SH3RF3: variants seen among roughly 807,000 people sequenced by gnomAD.
SH3RF3 encodes the protein E3 ubiquitin-protein ligase SH3RF3.
A neutral mutation model predicts 66.3 loss-of-function variants in SH3RF3; 29 were observed. The ratio of observed to expected loss-of-function variants is 0.44; its 90% confidence interval spans 0.33 to 0.60. SH3RF3 has a LOEUF of 0.60. Ranked by LOEUF, SH3RF3 falls within the 20% of genes least tolerant of loss-of-function variation. SH3RF3 has a pLI of 0.04. For synonymous variants in SH3RF3, 583 were observed against 532.0 expected (o/e 1.10, Z -1.32); for missense variants, 1,194 against 1,190.9 (o/e 1.00, Z -0.04).
chr2:109,153,375 TG>T (rs1182333808), intron 1 of SH3RF3, among the ~76,000 whole-genome samples: 1 of 152,204 alleles, frequency 6.6e-6, no homozygotes, highest in African/African-American at 2.4e-5. Context: ...TTTGTATTTT[TG>T]CTGAGGTTTG....
chr2:109,230,090 C>G (rs1679468922), intron 1 of SH3RF3, among the ~76,000 whole-genome samples: 1 of 151,958 alleles, frequency 6.6e-6, no homozygotes, highest in Non-Finnish European at 1.5e-5. Flanking sequence ...TCCCAAAGTG[C>G]TGGGATTACA....
chr2:109,419,081 C>T (rs1033663061), intron 4 of SH3RF3, among the ~76,000 whole-genome samples: 6 of 152,196 alleles, frequency 3.9e-5, no homozygotes, highest in Admixed American at 1.3e-4. Flanking sequence ...GTCCTCTTGG[C>T]CTGCTGCTCT....
At chr2:109,265,413 T>C (rs1449210072) in intron 1 of SH3RF3, among the ~76,000 whole-genome samples, 1 of 152,236 alleles carries the variant, frequency 6.6e-6, no homozygotes, top group Non-Finnish European at 1.5e-5. Context: ...AAGGAAACAC[T>C]GTAATTCTAG....
intron 1 of SH3RF3, among the ~76,000 whole-genome samples, chr2:109,212,371 G>C (rs1040596012): frequency 8.5e-5 from 13 of 152,180 alleles, no homozygotes; most frequent in African/African-American, 3.1e-4. Flanking sequence ...TGCTTTGGCT[G>C]GTTATACGTG....
chr2:109,395,031 C>G (rs1306645879), intron 3 of SH3RF3, among the ~76,000 whole-genome samples: 1 of 152,246 alleles, frequency 6.6e-6, no homozygotes, highest in East Asian at 1.9e-4. Context: ...GTGCCAAATT[C>G]AGGCCCAGCT....
chr2:109,172,004 A>G (rs922610358), intron 1 of SH3RF3, among the ~76,000 whole-genome samples: 5 of 152,202 alleles, frequency 3.3e-5, no homozygotes, highest in South Asian at 2.1e-4. Context: ...CCGTTTCCCA[A>G]TAAAAGGCAG....
At chr2:109,145,330 A>G (rs1275764351) in intron 1 of SH3RF3, among the ~76,000 whole-genome samples, 2 of 152,268 alleles carry the variant, frequency 1.3e-5, no homozygotes, top group African/African-American at 4.8e-5. Context: ...TCCGGACTTC[A>G]TGCCAGGTTT....
At chr2:109,199,065 A>G (rs1269880900) in intron 1 of SH3RF3, among the ~76,000 whole-genome samples, 5 of 152,094 alleles carry the variant, frequency 3.3e-5, no homozygotes, top group African/African-American at 1.2e-4. Flanking sequence ...CCACTTAAAA[A>G]ATGGTCTTGG....
At chr2:109,474,991 T>C (rs1678645636) in intron 8 of SH3RF3, among the ~76,000 whole-genome samples, 1 of 152,188 alleles carries the variant, frequency 6.6e-6, no homozygotes, top group Non-Finnish European at 1.5e-5. Context: ...GTTTGTTTGT[T>C]TTTTTGAGAC....
intron 3 of SH3RF3, among the ~76,000 whole-genome samples, chr2:109,381,428 C>T (rs771913751): frequency 5.3e-5 from 8 of 152,288 alleles, no homozygotes; most frequent in Middle Eastern, 6.8e-3. Context: ...GGTCTCAGCA[C>T]GCACACCCAC....
At chr2:109,345,820 CT>C (rs1682680161) in intron 1 of SH3RF3, among the ~76,000 whole-genome samples, 1 of 152,170 alleles carries the variant, frequency 6.6e-6, no homozygotes, top group Admixed American at 6.5e-5. Flanking sequence ...GCTGATGGCT[CT>C]GGGCCAGGTC....
At chr2:109,437,210 G>A in intron 7 of SH3RF3, 64 bp downstream of exon 7, 2 of 1,530,886 alleles carry the variant, frequency 1.3e-6, no homozygotes, top group South Asian at 2.5e-5. Flanking sequence ...ACATGCTTGT[G>A]AGACACATCT....
intron 3 of SH3RF3, among the ~76,000 whole-genome samples, chr2:109,371,887 G>A (rs1487146908): frequency 6.6e-6 from 1 of 152,204 alleles, no homozygotes; most frequent in African/African-American, 2.4e-5. Flanking sequence ...GTTTTGAGTG[G>A]CTGGTCCCAG....
At chr2:109,296,919 G>C (rs926755087) in intron 1 of SH3RF3, among the ~76,000 whole-genome samples, 3 of 152,114 alleles carry the variant, frequency 2.0e-5, no homozygotes, top group African/African-American at 7.2e-5. Flanking sequence ...GTGTGGATTG[G>C]GCTGCAGTGT....
intron 8 of SH3RF3, among the ~76,000 whole-genome samples, chr2:109,490,158 C>T (rs940111116): frequency 2.6e-5 from 4 of 152,234 alleles, no homozygotes; most frequent in Non-Finnish European, 4.4e-5. Flanking sequence ...CATCTTACAA[C>T]TGAGATGCCA....
intron 1 of SH3RF3, among the ~76,000 whole-genome samples, chr2:109,225,946 A>G (rs1679366041): frequency 6.6e-6 from 1 of 152,214 alleles, no homozygotes; most frequent in South Asian, 2.1e-4. Context: ...TTGCTTTCAA[A>G]GAGTCCCTAT....
At chr2:109,280,331 C>T (rs1373841084) in intron 1 of SH3RF3, among the ~76,000 whole-genome samples, 1 of 152,184 alleles carries the variant, frequency 6.6e-6, no homozygotes, top group Admixed American at 6.5e-5. Flanking sequence ...AGAGAGGGGG[C>T]CCCACAGCCA....
At chr2:109,203,991 A>G (rs1678748063) in intron 1 of SH3RF3, among the ~76,000 whole-genome samples, 1 of 152,196 alleles carries the variant, frequency 6.6e-6, no homozygotes, top group Non-Finnish European at 1.5e-5. Flanking sequence ...TGTGGGCTTG[A>G]AGGGGCTCTG....
chr2:109,132,952 TG>T (rs1182749725), intron 1 of SH3RF3, among the ~76,000 whole-genome samples: 1 of 152,266 alleles, frequency 6.6e-6, no homozygotes, highest in African/African-American at 2.4e-5. Flanking sequence ...ATTCCAATTT[TG>T]TTTTGAAAAT....
Sources: gnomAD v4.1 joint callset for allele counts (sites outside exome capture counted in the v4.1 genomes callset) on GRCh38, gnomAD v4.1.1 for gene constraint, MANE v1.5 for transcripts, NCBI Gene and HGNC (gene_info 2026-07-23, HGNC 2026-07-21) for gene names.